POLQ: variants seen among roughly 807,000 people sequenced by gnomAD.
POLQ encodes DNA polymerase theta.
A neutral mutation model predicts 259.2 loss-of-function variants in POLQ; 233 were observed. The ratio of observed to expected loss-of-function variants is 0.90; its 90% CI spans 0.81 to 1.00. POLQ has a LOEUF of 1.00. Ranked by LOEUF, POLQ falls within the 50% of genes least tolerant of loss-of-function variation. The pLI is 0.00. For missense variants in POLQ, 2,871 were observed against 3,051.6 expected, an observed-to-expected ratio of 0.94 and a Z score of 1.39; for synonymous variants, 1,025 against 1,048.8, an observed-to-expected ratio of 0.98 and a Z score of 0.44.
At position 121,545,849 on chromosome 3, in the gene POLQ, C is replaced by T; in HGVS notation, c.29G>A (p.Arg10Gln). ...ATCTGAGCCTGATTCTGAACGCCGC[C>T]GTTTCCCACTCCGACGCAGAAGATT... MNLLRRSGK[R>Q]RRSESGSDSF... Residue 10 changes from arginine (R) to glutamine (Q), a missense_variant, in exon 1 of 30, where the codon CGG (arginine) becomes CAG (glutamine). Arg to Gln is a conservative substitution (Grantham distance 43). This residue lies in a region of POLQ where 783 missense variants were observed against 906.2 expected (regional missense o/e 0.86). Coordinates refer to ENST00000264233, the MANE Select transcript of POLQ (RefSeq NM_199420.4). The T allele has an allele frequency of 6.2e-7, 1 of 1,614,036 alleles. No homozygotes were observed. The highest frequency in any genetic ancestry group is 1.1e-5 in the South Asian group (1 of 91,052).
chr3:121,533,971 G>C (rs2108818724), intron 5 of POLQ, among the ~76,000 whole-genome samples: 1 of 147,096 alleles, frequency 6.8e-6, no homozygotes, highest in Non-Finnish European at 1.5e-5. Flanking sequence ...CCGTCTCCTG[G>C]GTTCCTGCCA....
In POLQ at chr3:121,490,138, A is replaced by G; in HGVS notation, c.2793T>C (p.Tyr931=). 6.8e-6 allele frequency: 11 copies of G among 1,609,188 alleles called. No individual in the cohort carries two copies. Among genetic ancestry groups the G allele is most frequent in the South Asian group, 1.1e-5 (1 of 90,242 alleles). The part of the protein sequence containing the change: ...HTFISQTKSS[Y]KKLTSKNKSN... ...TTTTGTTCTTTGATGTTAATTTTTT[A>G]TAAGAACTCTTAGTTTGGGATATAA... The change falls in exon 16 of 30, where the codon TAT becomes TAC. Residue 931 remains tyrosine (Y), a synonymous_variant. Transcript: ENST00000264233.
At chr3:121,436,035 GAAATA>G in intron 28 of POLQ, 82 bp downstream of exon 28, 2 of 1,113,562 alleles carry the variant, frequency 1.8e-6, no homozygotes, top group Admixed American at 4.3e-5. Context: ...GAACTGTTGA[GAAATA>G]AAATAAAAAA....
At chr3:121,503,222 C>A (rs1455567792) in intron 12 of POLQ, among the ~76,000 whole-genome samples, 1 of 152,190 alleles carries the variant, frequency 6.6e-6, no homozygotes, top group African/African-American at 2.4e-5. Flanking sequence ...ACATGCCAAA[C>A]AAGTTTGTAG....
intron 20 of POLQ, among the ~76,000 whole-genome samples, chr3:121,473,853 A>C (rs2047904979): frequency 6.7e-6 from 1 of 150,114 alleles, no homozygotes; most frequent in African/African-American, 2.4e-5. Flanking sequence ...CAGCCTCCCG[A>C]GTAGCTAGGG....
At chr3:121,471,097 G>A (rs1025888996) in intron 22 of POLQ, among the ~76,000 whole-genome samples, 3 of 152,158 alleles carry the variant, frequency 2.0e-5, no homozygotes, top group Admixed American at 2.0e-4. Context: ...ATGAGTTAAA[G>A]CTACCTTTTC....
intron 8 of POLQ, among the ~76,000 whole-genome samples, chr3:121,521,127 G>A (rs1362932428): frequency 6.6e-6 from 1 of 151,970 alleles, no homozygotes; most frequent in Non-Finnish European, 1.5e-5. Context: ...TATAGTTTTA[G>A]TTACCCAAAG....
At position 121,488,141 on chromosome 3, in the gene POLQ, A is replaced by G. The variant is rs779777955; in HGVS notation, c.4790T>C (p.Val1597Ala). The G allele has an allele frequency of 4.3e-6, 7 of 1,613,272 alleles. No individual in the cohort carries two copies. The highest frequency in any genetic ancestry group is 5.9e-6 in the Non-Finnish European group (7 of 1,179,506). ...SPRALELSDP[V>A]LDEHHQGDQD... ...ATCACCTTGGTGGTGCTCATCAAGT[A>G]CTGGATCACTTAGTTCTAATGCTCT... Residue 1597 changes from valine (V) to alanine (A), a missense_variant, in exon 16 of 30, where the codon GTA becomes GCA. By Grantham distance (64) the Val-to-Ala change is moderately conservative. This residue lies in a region of POLQ where 2,080 missense variants were observed against 2,126.0 expected (regional missense o/e 0.98). Coordinates refer to ENST00000264233, the MANE Select transcript of POLQ (RefSeq NM_199420.4).
chr3:121,464,927 A>C (rs11713696), intron 24 of POLQ, among the ~76,000 whole-genome samples: 40,660 of 152,008 alleles, frequency 0.27, 5,838 homozygotes, highest in Middle Eastern at 0.36. Context: ...TAGTAAATTT[A>C]CTTAACTTGT....
intron 26 of POLQ, among the ~76,000 whole-genome samples, chr3:121,446,239 T>C (rs2047631566): frequency 6.6e-6 from 1 of 152,230 alleles, no homozygotes; most frequent in Non-Finnish European, 1.5e-5. Flanking sequence ...TCCATGTTTG[T>C]ATACTTTCCA....
intron 22 of POLQ, among the ~76,000 whole-genome samples, chr3:121,471,666 TGGGAGGCAGAGGTTGCA>T (rs914941985): frequency 9.9e-5 from 15 of 152,094 alleles, no homozygotes; most frequent in African/African-American, 3.6e-4. Flanking sequence ...CACTTGAACC[TGGGAGGCAGAGGTTGCA>T]GGGAGGTGGA....
chr3:121,523,481 G>A (rs2048352627), intron 7 of POLQ, among the ~76,000 whole-genome samples: 1 of 152,194 alleles, frequency 6.6e-6, no homozygotes. Context: ...GGAGGCCAAA[G>A]TGGGCAGATC....
At chr3:121,485,248 A>T in intron 16 of POLQ, 64 bp from the exon 17 acceptor site, 3 of 1,118,030 alleles carry the variant, frequency 2.7e-6, no homozygotes, top group Non-Finnish European at 3.8e-6. Context: ...ATAAATTGTT[A>T]AAACAATTAT....
At chr3:121,449,453 A>G in intron 25 of POLQ, 27 bp from the exon 26 acceptor site, 1 of 1,224,862 alleles carries the variant, frequency 8.2e-7, no homozygotes, top group Non-Finnish European at 1.2e-6. Flanking sequence ...CAACAAATAA[A>G]GGTTATAAGT....
At chr3:121,451,701 G>C (rs931490556) in intron 25 of POLQ, among the ~76,000 whole-genome samples, 6 of 152,218 alleles carry the variant, frequency 3.9e-5, no homozygotes, top group Non-Finnish European at 8.8e-5. Context: ...TGCTCCTACT[G>C]GGGGGTGCCT....
At chr3:121,483,712 G>A (rs888348003) in intron 17 of POLQ, 130 bp from the exon 18 acceptor site, 6 of 577,364 alleles carry the variant, frequency 1.0e-5, no homozygotes, top group Non-Finnish European at 1.7e-5. Context: ...TCCATGTGAC[G>A]AGTAATTCAG....
intron 5 of POLQ, among the ~76,000 whole-genome samples, chr3:121,536,023 C>T (rs1312082255): frequency 6.6e-6 from 1 of 152,040 alleles, no homozygotes; most frequent in Admixed American, 6.6e-5. Context: ...GAATACACAA[C>T]TGGGGAGGAG....
At chr3:121,449,901 C>A (rs1307691952) in intron 25 of POLQ, among the ~76,000 whole-genome samples, 2 of 152,136 alleles carry the variant, frequency 1.3e-5, no homozygotes, top group Non-Finnish European at 2.9e-5. Context: ...ATCCTCCTCA[C>A]CTCATAGCCA....
Position 121,492,900 on chromosome 3 carries a change from T to TC in POLQ, c.2522+577dup, listed in dbSNP as rs2048080470. Among the ~76,000 whole-genome samples the TC allele has an allele frequency of 2.0e-5, 3 of 149,890 alleles. No homozygotes were observed. The South Asian group carries it at 6.4e-4, about 32-fold the overall frequency. The stretch of plus-strand genomic sequence containing the variant: ...TAAGCTCAAACAATCAGCCTCAGCC[T>TC]CCCAAAGTACTGGGATTACAGGAGT... On this transcript the variant is annotated intron_variant, in intron 15 of 29. Transcript: ENST00000264233.
Sources: allele counts gnomAD v4.1 joint callset (sites outside exome capture counted in the v4.1 genomes callset), GRCh38; gene constraint gnomAD v4.1.1; regional missense constraint gnomAD v4.1.1; transcripts MANE v1.5; gene names NCBI Gene and HGNC (gene_info 2026-07-23, HGNC 2026-07-21).